Variants in EIF4G3 observed in about 807,000 individuals in gnomAD.
The protein encoded by EIF4G3 is eIF-4-gamma 3.
A neutral mutation model predicts 186.4 loss-of-function variants in EIF4G3; 34 were observed. That is an observed-to-expected ratio of 0.18 (90% CI 0.14 to 0.24). The LOEUF (loss-of-function observed/expected upper bound fraction) is 0.24, where lower values mean the gene tolerates loss of function less well. Ranked by LOEUF, EIF4G3 falls within the 10% of genes least tolerant of loss-of-function variation. The pLI, the probability that EIF4G3 is intolerant of heterozygous loss-of-function variation, is 1.00. For missense variants in EIF4G3, 1,536 were observed against 1,948.5 expected (o/e 0.79, Z 3.99); for synonymous variants, 673 against 679.5 (o/e 0.99, Z 0.15).
chr1:20,974,290 T>G (rs2076422191), intron 10 of EIF4G3, among the ~76,000 whole-genome samples: 2 of 152,146 alleles, frequency 1.3e-5, no homozygotes, highest in Admixed American at 1.3e-4. Flanking sequence ...TGAATACAGA[T>G]AGAAAAGAAG....
chr1:21,003,160 C>T (rs2084012840), intron 4 of EIF4G3, among the ~76,000 whole-genome samples: 1 of 135,432 alleles, frequency 7.4e-6, no homozygotes, highest in Non-Finnish European at 1.6e-5. Flanking sequence ...CTGTGCCGGA[C>T]TAATTTTTTT....
chr1:20,946,543 T>G (rs879194765), intron 13 of EIF4G3, among the ~76,000 whole-genome samples: 1 of 152,212 alleles, frequency 6.6e-6, no homozygotes, highest in Non-Finnish European at 1.5e-5. Flanking sequence ...TAGCTCTTCA[T>G]GTCAAAAACT....
At chr1:21,067,649 A>G (rs1233800670) in intron 3 of EIF4G3, among the ~76,000 whole-genome samples, 2 of 152,206 alleles carry the variant, frequency 1.3e-5, no homozygotes, top group African/African-American at 4.8e-5. Flanking sequence ...TCAAAATAGA[A>G]GGGTAAATAA....
Position 21,061,337 on chromosome 1 carries a change from A to T in EIF4G3, c.-195-10343T>A, listed in dbSNP as rs147509601. ...AAACATTCAGATTGTGAAGCATTGT[A>T]TATTTTTGGATCGGGATGTTCAACC... is the stretch of plus-strand genomic sequence containing the variant. On this transcript the variant is annotated intron_variant, in intron 3 of 36. Transcript: ENST00000602326. 3.3e-4 allele frequency among the ~76,000 whole-genome samples: 51 copies of T among 152,298 alleles called. 1 individual carries two copies. The East Asian group carries it at 9.4e-3, about 28-fold the overall frequency.
chr1:21,138,043 G>A (rs1270430705), intron 2 of EIF4G3, among the ~76,000 whole-genome samples: 1 of 152,178 alleles, frequency 6.6e-6, no homozygotes, highest in Non-Finnish European at 1.5e-5. Context: ...TGAATTAACT[G>A]ATATGGAGTA....
intron 3 of EIF4G3, among the ~76,000 whole-genome samples, chr1:21,070,365 T>C (rs974472759): frequency 2.6e-5 from 4 of 152,214 alleles, no homozygotes; most frequent in Non-Finnish European, 1.5e-5. Flanking sequence ...GGCAAAATGA[T>C]TAATACTCTG....
intron 2 of EIF4G3, among the ~76,000 whole-genome samples, chr1:21,094,401 T>A (rs7511876): frequency 0.94 from 143,618 of 152,056 alleles, 68,377 homozygotes; most frequent in Middle Eastern, 1. Flanking sequence ...GGATTAAGAA[T>A]ATGTGGCACA....
At chr1:20,942,484 C>T (rs2095757423) in intron 13 of EIF4G3, among the ~76,000 whole-genome samples, 154 bp from the exon 14 acceptor site, 2 of 152,152 alleles carry the variant, frequency 1.3e-5, no homozygotes, top group Admixed American at 1.3e-4. Context: ...AACATTGTCT[C>T]TTTTCTTTTT....
chr1:21,142,198 G>C lies in EIF4G3; in HGVS notation c.-272+33977C>G, dbSNP rs137941446. On this transcript the variant is annotated intron_variant, in intron 2 of 36. Transcript: ENST00000602326. The stretch of plus-strand genomic sequence containing the variant: ...CACCTCAGGGAAAAAACATGTATTA[G>C]GAATCTAAAAGTGGCTAATGGTCAG... 4.3e-4 allele frequency among the ~76,000 whole-genome samples: 65 copies of C among 151,842 alleles called. 1 individual carries two copies. The highest frequency in any genetic ancestry group is 1.4e-3 in the African/African-American group (57 of 41,426).
intron 14 of EIF4G3, among the ~76,000 whole-genome samples, chr1:20,905,366 A>G (rs1168600122): frequency 6.6e-6 from 1 of 152,228 alleles, no homozygotes; most frequent in Non-Finnish European, 1.5e-5. Flanking sequence ...TCAGCTATAA[A>G]GTATAAGAGT....
intron 2 of EIF4G3, among the ~76,000 whole-genome samples, chr1:21,107,250 C>T (rs780019828): frequency 6.6e-6 from 1 of 152,122 alleles, no homozygotes; most frequent in Non-Finnish European, 1.5e-5. Flanking sequence ...CATCTTGGCT[C>T]GCTGCAACCT....
At chr1:20,969,355 C>T (rs760303101) in intron 12 of EIF4G3, 119 bp downstream of exon 12, 111 of 1,197,182 alleles carry the variant, frequency 9.3e-5, no homozygotes, top group Non-Finnish European at 1.2e-4. Flanking sequence ...TTTAGATATT[C>T]GAGGCTGCGA....
intron 13 of EIF4G3, among the ~76,000 whole-genome samples, chr1:20,944,975 A>C (rs1400506794): frequency 6.6e-5 from 10 of 152,182 alleles, no homozygotes; most frequent in Non-Finnish European, 1.5e-4. Flanking sequence ...ACTGTACTTC[A>C]GCCTGGGTGA....
At chr1:20,821,752 T>G (rs1042286799) in intron 33 of EIF4G3, among the ~76,000 whole-genome samples, 1 of 151,062 alleles carries the variant, frequency 6.6e-6, no homozygotes, top group Non-Finnish European at 1.5e-5. Flanking sequence ...ATCTTCCCTA[T>G]TATGTATACT....
intron 2 of EIF4G3, among the ~76,000 whole-genome samples, chr1:21,133,106 T>G (rs764730401): frequency 6.6e-6 from 1 of 151,990 alleles, no homozygotes; most frequent in Non-Finnish European, 1.5e-5. Flanking sequence ...TTATGAACAT[T>G]TACTACATTT....
intron 14 of EIF4G3, among the ~76,000 whole-genome samples, chr1:20,935,791 TA>T (rs1421064053): frequency 6.6e-6 from 1 of 152,216 alleles, no homozygotes; most frequent in Non-Finnish European, 1.5e-5. Flanking sequence ...AGGGAAAACT[TA>T]TAGTAAGACT....
intron 4 of EIF4G3, 146 bp downstream of exon 4, chr1:21,050,720 G>A (rs1337472457): frequency 3.7e-5 from 20 of 547,674 alleles, no homozygotes; most frequent in Non-Finnish European, 6.0e-5. Context: ...CTTTATGAAC[G>A]GTTAAGTCTG....
intron 13 of EIF4G3, among the ~76,000 whole-genome samples, chr1:20,943,977 TGTGTG>T (rs1558363866): frequency 1.1e-4 from 4 of 34,866 alleles, no homozygotes; most frequent in African/African-American, 3.8e-4. Flanking sequence ...ATTTTTTTTG[TGTGTG>T]TGTGTGTGTG....
intron 3 of EIF4G3, among the ~76,000 whole-genome samples, chr1:21,063,716 G>GC (rs2095063478): frequency 2.8e-4 from 2 of 7,140 alleles, no homozygotes; most frequent in South Asian, 0.016. Context: ...GGGGGGGGGG[G>GC]TGTTGGGGGG....
Sources: gnomAD v4.1 joint callset for allele counts (sites outside exome capture counted in the v4.1 genomes callset) on GRCh38, gnomAD v4.1.1 for gene constraint, MANE v1.5 for transcripts, NCBI Gene and HGNC (gene_info 2026-07-23, HGNC 2026-07-21) for gene names.